STXBP5L: variants seen among roughly 807,000 people sequenced by gnomAD.
The protein encoded by STXBP5L is syntaxin binding protein 5L.
Under a neutral mutation model 144.5 loss-of-function variants are expected in STXBP5L, and 65 were observed. That is an observed-to-expected ratio of 0.45 (90% CI 0.37 to 0.55). The LOEUF (loss-of-function observed/expected upper bound fraction) is 0.55. STXBP5L is among the 20% of genes least tolerant of loss of function. STXBP5L has a pLI of 0.00. For missense variants in STXBP5L, 1,298 were observed against 1,405.5 expected (o/e 0.92, Z 1.22); for synonymous variants, 505 against 469.6 (o/e 1.08, Z -0.97).
chr3:121,193,320 C>T lies in STXBP5L; in HGVS notation c.878-12603C>T, dbSNP rs972897940. ...TGGCGATCATTAAAAAGTCAGGAAA[C>T]AAGAGGTGCTGGAAAGGATGTGGAG... On this transcript the variant is annotated intron_variant, in intron 9 of 26. Transcript: ENST00000471454. Among the ~76,000 whole-genome samples the T allele has an allele frequency of 2.0e-4, 29 of 142,618 alleles. 2 individuals are homozygous for T. The highest frequency in any genetic ancestry group is 7.0e-4 in the African/African-American group (27 of 38,714). The allele number at this position is 142,618 out of a possible 152,430, so 93.6% of individuals were successfully genotyped here.
At chr3:121,141,031 G>T (rs1392246778) in intron 7 of STXBP5L, among the ~76,000 whole-genome samples, 3 of 152,012 alleles carry the variant, frequency 2.0e-5, no homozygotes, top group Admixed American at 2.0e-4. Context: ...CAATATAAAA[G>T]AAATAAACTT....
intron 18 of STXBP5L, among the ~76,000 whole-genome samples, chr3:121,268,673 T>C (rs945758714): frequency 4.6e-5 from 7 of 152,038 alleles, no homozygotes; most frequent in African/African-American, 1.7e-4. Flanking sequence ...TTATATATAA[T>C]AAAAAGGGAA....
chr3:121,408,389 T>C (rs961687305), intron 23 of STXBP5L, among the ~76,000 whole-genome samples: 1 of 151,904 alleles, frequency 6.6e-6, no homozygotes, highest in Non-Finnish European at 1.5e-5. Context: ...CTGTGAAGGA[T>C]ATAAAAATTA....
chr3:121,147,784 G>C (rs985546619), intron 7 of STXBP5L, among the ~76,000 whole-genome samples: 3 of 152,130 alleles, frequency 2.0e-5, no homozygotes, highest in Admixed American at 6.6e-5. Flanking sequence ...TCAATCAGCT[G>C]AAGGCCTGAA....
At chr3:121,342,420 A>C (rs1004135381) in intron 20 of STXBP5L, among the ~76,000 whole-genome samples, 1 of 151,840 alleles carries the variant, frequency 6.6e-6, no homozygotes, top group African/African-American at 2.4e-5. Flanking sequence ...ATATGTATAC[A>C]TGTGCCATGC....
chr3:120,980,435 C>T (rs1941631384), intron 3 of STXBP5L, among the ~76,000 whole-genome samples: 1 of 147,464 alleles, frequency 6.8e-6, no homozygotes, highest in Non-Finnish European at 1.5e-5. Flanking sequence ...TTGAATTTAT[C>T]ACTTTATCAC....
intron 3 of STXBP5L, among the ~76,000 whole-genome samples, chr3:120,987,595 T>C (rs1422111168): frequency 6.6e-6 from 1 of 151,850 alleles, no homozygotes; most frequent in East Asian, 1.9e-4. Flanking sequence ...CTTGACAGGG[T>C]TCTTCACAGA....
chr3:121,093,479 C>G (rs866642490), intron 5 of STXBP5L, among the ~76,000 whole-genome samples: 1 of 152,200 alleles, frequency 6.6e-6, no homozygotes, highest in African/African-American at 2.4e-5. Context: ...AGAGATTCAA[C>G]TTCTTCCTGG....
chr3:120,946,614 T>C (rs1710872060), intron 2 of STXBP5L, among the ~76,000 whole-genome samples: 1 of 151,444 alleles, frequency 6.6e-6, no homozygotes, highest in African/African-American at 2.4e-5. Flanking sequence ...CCATCACAGG[T>C]GGTTTTGAGG....
intron 3 of STXBP5L, among the ~76,000 whole-genome samples, chr3:120,956,501 G>C (rs925213127): frequency 6.6e-6 from 1 of 151,844 alleles, no homozygotes; most frequent in Admixed American, 6.6e-5. Context: ...AAGCATATGT[G>C]AGAACTTCCT....
intron 3 of STXBP5L, among the ~76,000 whole-genome samples, chr3:120,990,111 C>G (rs930682204): frequency 6.6e-6 from 1 of 152,168 alleles, no homozygotes; most frequent in African/African-American, 2.4e-5. Flanking sequence ...TCAGCAAAGT[C>G]TCAGGATACA....
chr3:121,013,366 G>A (rs755864888), intron 3 of STXBP5L, among the ~76,000 whole-genome samples: 16 of 151,876 alleles, frequency 1.1e-4, no homozygotes, highest in African/African-American at 1.9e-4. Flanking sequence ...GTTATTTTCC[G>A]ACTTTTTAAT....
At chr3:121,000,495 T>C (rs1943683934) in intron 3 of STXBP5L, among the ~76,000 whole-genome samples, 1 of 152,218 alleles carries the variant, frequency 6.6e-6, no homozygotes, top group Non-Finnish European at 1.5e-5. Flanking sequence ...CTATTTCATC[T>C]TTCTGCTCTT....
chr3:121,001,980 T>C (rs1029037440), intron 3 of STXBP5L, among the ~76,000 whole-genome samples: 1 of 152,238 alleles, frequency 6.6e-6, no homozygotes, highest in Non-Finnish European at 1.5e-5. Context: ...TAGGTTGTTC[T>C]CATATTATGG....
intron 22 of STXBP5L, among the ~76,000 whole-genome samples, chr3:121,392,118 C>A (rs920659345): frequency 6.6e-6 from 1 of 152,148 alleles, no homozygotes; most frequent in African/African-American, 2.4e-5. Flanking sequence ...GGCAGACACC[C>A]CTCCCCAGCC....
chr3:120,966,081 G>C (rs1388063294), intron 3 of STXBP5L, among the ~76,000 whole-genome samples: 1 of 152,018 alleles, frequency 6.6e-6, no homozygotes, highest in Admixed American at 6.5e-5. Context: ...AGCTTTTGAA[G>C]CTTGTGCATG....
At chr3:120,976,726 G>T (rs964095485) in intron 3 of STXBP5L, among the ~76,000 whole-genome samples, 2 of 152,206 alleles carry the variant, frequency 1.3e-5, no homozygotes, top group East Asian at 3.8e-4. Context: ...ATGTGTCCCA[G>T]TGTTTCTGGT....
At chr3:121,389,531 C>T (rs957801290) in intron 22 of STXBP5L, among the ~76,000 whole-genome samples, 7 of 152,212 alleles carry the variant, frequency 4.6e-5, no homozygotes, top group Non-Finnish European at 1.0e-4. Context: ...TAGTGCTATA[C>T]ATTTCCCTCT....
chr3:120,987,577 C>T lies in STXBP5L; in HGVS notation c.287+32540C>T, dbSNP rs547579677. Among the ~76,000 whole-genome samples, 5 of 151,442 alleles carry T rather than the reference C, an allele frequency of 3.3e-5. No homozygotes were observed. The South Asian group carries it at 1.0e-3, about 32-fold the overall frequency. Reference sequence around the variant, plus strand: ...TTCATTTCTTAACTTGTATTTTCACCCTCTTAACTTGACAGGGTTCTTCAC... The same window carrying T: ...TTCATTTCTTAACTTGTATTTTCACTCTCTTAACTTGACAGGGTTCTTCAC... On this transcript the variant is annotated intron_variant, in intron 3 of 26. Transcript: ENST00000471454.
Sources: allele counts gnomAD v4.1 joint callset (sites outside exome capture counted in the v4.1 genomes callset), GRCh38; gene constraint gnomAD v4.1.1; transcripts MANE v1.5; gene names NCBI Gene and HGNC (gene_info 2026-07-23, HGNC 2026-07-21).